Variants in SEMA3A observed in about 807,000 individuals in gnomAD.
SEMA3A encodes the protein semaphorin 3A, also known as semaphorin-3A.
SEMA3A carries 29 observed loss-of-function variants against 97.9 expected under a neutral mutation model. The observed-to-expected ratio is 0.30, with a 90% CI of 0.22 to 0.40. The LOEUF (loss-of-function observed/expected upper bound fraction) is 0.40. SEMA3A is among the 10% of genes least tolerant of loss of function. SEMA3A has a pLI of 1.00. For missense variants in SEMA3A, 763 were observed against 951.3 expected, an observed-to-expected ratio of 0.80 and a Z score of 2.60; for synonymous variants, 321 against 323.7, an observed-to-expected ratio of 0.99 and a Z score of 0.09.
chr7:84,283,639 T>C (rs1800508661), intron 3 of SEMA3A, among the ~76,000 whole-genome samples: 1 of 151,992 alleles, frequency 6.6e-6, no homozygotes, highest in African/African-American at 2.4e-5. Context: ...GCTTATTAGA[T>C]ATATATGCAG....
intron 11 of SEMA3A, among the ~76,000 whole-genome samples, chr7:84,004,641 A>G (rs1271013728): frequency 6.6e-6 from 1 of 152,198 alleles, no homozygotes; most frequent in Non-Finnish European, 1.5e-5. Flanking sequence ...GTTATGATGC[A>G]ATTATAAACA....
chr7:84,195,660 G>A (rs1412006410), upstream of SEMA3A, among the ~76,000 whole-genome samples: 1 of 152,046 alleles, frequency 6.6e-6, no homozygotes, highest in African/African-American at 2.4e-5. Context: ...TACAACGGGG[G>A]ATTCTCAAAA....
At chr7:83,963,837 T>G (rs1788572981) in intron 15 of SEMA3A, among the ~76,000 whole-genome samples, 1 of 152,176 alleles carries the variant, frequency 6.6e-6, no homozygotes, top group African/African-American at 2.4e-5. Flanking sequence ...ATTTGCCAAC[T>G]AATATTTATC....
chr7:84,188,863 A>T (rs556344069), intron 1 of SEMA3A, among the ~76,000 whole-genome samples: 108 of 152,086 alleles, frequency 7.1e-4, no homozygotes, highest in African/African-American at 2.5e-3. Context: ...CAATATCTTT[A>T]GCAAATTTCA....
intron 2 of SEMA3A, among the ~76,000 whole-genome samples, chr7:84,131,450 GC>G (rs2116028979): frequency 6.6e-6 from 1 of 152,090 alleles, no homozygotes; most frequent in Admixed American, 6.5e-5. Flanking sequence ...CTCATGGCAG[GC>G]CCACTTACAC....
chr7:83,990,080 A>AT (rs1048954652), intron 12 of SEMA3A, among the ~76,000 whole-genome samples: 1 of 151,668 alleles, frequency 6.6e-6, no homozygotes, highest in African/African-American at 2.4e-5. Context: ...GATGATGAGC[A>AT]TTTTTTCATG....
chr7:84,393,282 A>G (rs1253487965), intron 1 of SEMA3A, among the ~76,000 whole-genome samples: 1 of 152,116 alleles, frequency 6.6e-6, no homozygotes, highest in Non-Finnish European at 1.5e-5. Context: ...AGTTTGCCCA[A>G]TACCATTTAT....
At chr7:84,214,723 G>C (rs1798705318) in intron 3 of SEMA3A, among the ~76,000 whole-genome samples, 1 of 139,846 alleles carries the variant, frequency 7.2e-6, no homozygotes, top group South Asian at 2.3e-4. Flanking sequence ...TTTTGAGACA[G>C]AGTCTTGCAC....
At chr7:84,042,727 T>C (rs1166935609) in intron 6 of SEMA3A, among the ~76,000 whole-genome samples, 1 of 152,044 alleles carries the variant, frequency 6.6e-6, no homozygotes, top group Non-Finnish European at 1.5e-5. Context: ...ATTCTAAAGA[T>C]AGTCTTTCTT....
chr7:84,131,660 A>T (rs1795964312), intron 2 of SEMA3A, among the ~76,000 whole-genome samples: 2 of 152,190 alleles, frequency 1.3e-5, no homozygotes, highest in African/African-American at 2.4e-5. Flanking sequence ...AACAAACCAT[A>T]AATCTCCTGT....
At chr7:84,150,408 C>T (rs956980042) in intron 1 of SEMA3A, among the ~76,000 whole-genome samples, 10 of 152,182 alleles carry the variant, frequency 6.6e-5, no homozygotes, top group Non-Finnish European at 1.0e-4. Context: ...CGAAGCAGGG[C>T]GAGGCATTGC....
chr7:84,046,584 T>A, intron 5 of SEMA3A, 141 bp from the exon 6 acceptor site: 1 of 855,616 alleles, frequency 1.2e-6, no homozygotes, highest in Non-Finnish European at 1.8e-6. Flanking sequence ...CATTATGCAG[T>A]TACTTATTTT....
chr7:84,266,170 A>T (rs1799995663), intron 3 of SEMA3A, among the ~76,000 whole-genome samples: 1 of 151,870 alleles, frequency 6.6e-6, no homozygotes, highest in African/African-American at 2.4e-5. Flanking sequence ...AATACAAAAA[A>T]ATTAGCCAGG....
At chr7:84,312,867 T>C (rs1382133521) in intron 2 of SEMA3A, among the ~76,000 whole-genome samples, 46 of 106,546 alleles carry the variant, frequency 4.3e-4, no homozygotes, top group African/African-American at 1.6e-3. Flanking sequence ...TATTTTGGTG[T>C]TGTTTTATAT....
chr7:84,271,394 A>C (rs905467421), intron 3 of SEMA3A, among the ~76,000 whole-genome samples: 12 of 152,106 alleles, frequency 7.9e-5, no homozygotes, highest in Non-Finnish European at 1.2e-4. Flanking sequence ...ACACATTTAA[A>C]GAGACTAAGA....
chr7:84,387,049 G>T (rs1803416958), intron 1 of SEMA3A, among the ~76,000 whole-genome samples: 1 of 152,012 alleles, frequency 6.6e-6, no homozygotes, highest in Non-Finnish European at 1.5e-5. Flanking sequence ...TAGCTTATTA[G>T]CTGTGTGATT....
chr7:84,059,341 A>G (rs903737158), intron 5 of SEMA3A, among the ~76,000 whole-genome samples: 6 of 152,142 alleles, frequency 3.9e-5, no homozygotes, highest in Admixed American at 3.3e-4. Flanking sequence ...TCATGCCACA[A>G]TGGATTTCTT....
At chr7:84,244,095 T>C (rs1372902613) in intron 3 of SEMA3A, among the ~76,000 whole-genome samples, 1 of 152,190 alleles carries the variant, frequency 6.6e-6, no homozygotes, top group Non-Finnish European at 1.5e-5. Context: ...GAGAGTCCTG[T>C]AGCTGTCTAT....
At chr7:84,303,965 G>T (rs189731091) in intron 3 of SEMA3A, among the ~76,000 whole-genome samples, 1 of 152,140 alleles carries the variant, frequency 6.6e-6, no homozygotes, top group Admixed American at 6.6e-5. Context: ...ATTTTCTAGA[G>T]AATTTTAAAT....
Sources: allele counts gnomAD v4.1 joint callset (sites outside exome capture counted in the v4.1 genomes callset), GRCh38; gene constraint gnomAD v4.1.1; transcripts MANE v1.5; gene names NCBI Gene and HGNC (gene_info 2026-07-23, HGNC 2026-07-21).